TUT4: variants seen among roughly 807,000 people sequenced by gnomAD.
The protein encoded by TUT4 is terminal uridylyl transferase 4, also known as terminal uridylyltransferase 4.
A neutral mutation model predicts 192.2 loss-of-function variants in TUT4; 36 were observed. The ratio of observed to expected loss-of-function variants is 0.19; its 90% confidence interval spans 0.14 to 0.25. The LOEUF is 0.25. Ranked by LOEUF, TUT4 falls within the 10% of genes least tolerant of loss-of-function variation. The probability of loss-of-function intolerance (pLI) is 1.00; values close to 1 mark genes in which losing one functional copy is unlikely to be tolerated. For missense variants in TUT4, 1,493 were observed against 1,957.2 expected (o/e 0.76, Z 4.47); for synonymous variants, 618 against 666.0 (o/e 0.93, Z 1.11).
At chr1:52,438,625 G>T (rs1039140434) in intron 24 of TUT4, among the ~76,000 whole-genome samples, 1 of 152,134 alleles carries the variant, frequency 6.6e-6, no homozygotes, top group Non-Finnish European at 1.5e-5. Context: ...CTTTACAGAT[G>T]GGGAAACTGA....
At chr1:52,462,672 A>C in intron 16 of TUT4, 1 of 968,558 alleles carries the variant, frequency 1.0e-6, no homozygotes, top group South Asian at 4.8e-5. Flanking sequence ...ATAAGCCTTT[A>C]AATCTGTGAG....
chr1:52,445,961 T>C lies in TUT4; in HGVS notation c.3735A>G (p.Arg1245=). The C allele has an allele frequency of 6.2e-7, 1 of 1,607,272 alleles. No homozygotes were observed. Among genetic ancestry groups the C allele is most frequent in the South Asian group, 1.1e-5 (1 of 88,878 alleles). Residue 1245 remains arginine (R), a synonymous_variant, in exon 23 of 30, where the codon AGA becomes AGG. Transcript: ENST00000257177. ...LNHNLGAGVS[R]KMTNFIMKAF... ...ATCTCTATATTTAAAACTTACTTTT[T>C]CTGGAAACTCCAGCACCAAGGTTAT...
intron 2 of TUT4, among the ~76,000 whole-genome samples, chr1:52,522,503 A>G (rs1680547361): frequency 6.6e-6 from 1 of 152,248 alleles, no homozygotes; most frequent in African/African-American, 2.4e-5. Flanking sequence ...TTTTTCAGTG[A>G]TAAGCAGTTT....
chr1:52,545,861 C>A (rs1455659473), intron 1 of TUT4, among the ~76,000 whole-genome samples: 1 of 151,676 alleles, frequency 6.6e-6, no homozygotes, highest in Non-Finnish European at 1.5e-5. Context: ...ATGGCTCATG[C>A]CTGTAATCCC....
At chr1:52,428,876 T>G (rs1235649174) in intron 28 of TUT4, among the ~76,000 whole-genome samples, 1 of 152,038 alleles carries the variant, frequency 6.6e-6, no homozygotes, top group Non-Finnish European at 1.5e-5. Flanking sequence ...GATCTCATGT[T>G]TTTTTTAAGT....
rs548079594 is a variant in TUT4 at position 52,541,208 on chromosome 1, T to TA, written c.-94+11722dup. Reference sequence around the variant, plus strand: ...TGGGCCACAGAGCGAGACTCTGTCTTAAAAAAAAAAAAAAAAAAAGAAGAA... The same window carrying TA: ...TGGGCCACAGAGCGAGACTCTGTCTTAAAAAAAAAAAAAAAAAAAAGAAGAA... On this transcript the variant is annotated intron_variant, in intron 1 of 29. Coordinates refer to ENST00000257177, the MANE Select transcript of TUT4 (RefSeq NM_001009881.3). Among the ~76,000 whole-genome samples, 781 of 84,574 alleles carry TA rather than the reference T, an allele frequency of 9.2e-3. 6 individuals are homozygous for TA. The highest frequency in any genetic ancestry group is 0.023 in the African/African-American group (504 of 21,974). 55.5% of individuals were successfully genotyped at this position (84,574 alleles called of 152,430 possible).
chr1:52,498,782 G>C (rs1673157279), intron 4 of TUT4, among the ~76,000 whole-genome samples: 1 of 149,926 alleles, frequency 6.7e-6, no homozygotes, highest in Admixed American at 6.6e-5. Flanking sequence ...AGCCACTTGG[G>C]AGGCTGAGAC....
intron 9 of TUT4, among the ~76,000 whole-genome samples, chr1:52,483,476 A>C (rs1669010243): frequency 6.6e-6 from 1 of 152,110 alleles, no homozygotes; most frequent in Admixed American, 6.6e-5. Context: ...CCTCCATATC[A>C]ATGGGTTCTG....
At chr1:52,478,994 GAA>G (rs373251319) in intron 11 of TUT4, among the ~76,000 whole-genome samples, 2 of 150,592 alleles carry the variant, frequency 1.3e-5, no homozygotes, top group African/African-American at 2.4e-5. Flanking sequence ...AAGTACTACA[GAA>G]AAAAAAAGAG....
intron 9 of TUT4, 57 bp from the exon 10 acceptor site, chr1:52,481,980 A>C: frequency 7.2e-7 from 1 of 1,392,904 alleles, no homozygotes; most frequent in Middle Eastern, 2.2e-4. Context: ...TTTCATGATA[A>C]AAGTAGCTTG....
At position 52,475,165 on chromosome 1, in the gene TUT4, T is replaced by C; in HGVS notation, c.2394A>G (p.Ser798=). 1 of 1,614,184 alleles carries C rather than the reference T, an allele frequency of 6.2e-7. No individual in the cohort carries two copies. ...CACTGCTTTTGCTGGTAGAAAGAGA[T>C]GAAGAGTCCTGTCCGTGGTCAGCAA... ...LDFADHGQDS[S]SLSTSKSSEI... The change falls in exon 13 of 30, where the codon TCA becomes TCG. Residue 798 remains serine (S), a synonymous_variant. Transcript: ENST00000257177.
At chr1:52,438,679 T>C (rs925254787) in intron 24 of TUT4, among the ~76,000 whole-genome samples, 3 of 152,156 alleles carry the variant, frequency 2.0e-5, no homozygotes, top group African/African-American at 7.2e-5. Flanking sequence ...ACAGGTTAAG[T>C]CTCACATAAA....
intron 1 of TUT4, among the ~76,000 whole-genome samples, chr1:52,544,410 A>G (rs1687543491): frequency 6.6e-6 from 1 of 152,236 alleles, no homozygotes; most frequent in Non-Finnish European, 1.5e-5. Flanking sequence ...ATAATTTTTA[A>G]CAAGGATGAC....
chr1:52,549,338 T>C (rs1321729198), intron 1 of TUT4, among the ~76,000 whole-genome samples: 1 of 152,168 alleles, frequency 6.6e-6, no homozygotes, highest in African/African-American at 2.4e-5. Flanking sequence ...TATCAATTCC[T>C]ACCACACTGA....
intron 25 of TUT4, among the ~76,000 whole-genome samples, chr1:52,437,987 CA>C (rs949295648): frequency 2.7e-4 from 41 of 150,224 alleles, no homozygotes; most frequent in African/African-American, 8.8e-4. Context: ...AAAACAAAAA[CA>C]AAAAAAAACT....
intron 3 of TUT4, 97 bp downstream of exon 3, chr1:52,515,794 G>T: frequency 7.0e-7 from 1 of 1,422,002 alleles, no homozygotes; most frequent in Non-Finnish European, 9.8e-7. Flanking sequence ...TGCAACCTCT[G>T]TCTTATGAAT....
intron 20 of TUT4, among the ~76,000 whole-genome samples, chr1:52,451,182 C>T (rs1008234242): frequency 1.3e-5 from 2 of 151,432 alleles, no homozygotes; most frequent in Non-Finnish European, 2.9e-5. Context: ...AGGAGAATGG[C>T]GTGAACCTGG....
intron 13 of TUT4, 56 bp downstream of exon 13, chr1:52,474,776 A>G: frequency 7.2e-7 from 1 of 1,397,526 alleles, no homozygotes. Context: ...TAAAAAATAT[A>G]CATAGTCATA....
At chr1:52,489,762 T>A (rs1009856091) in intron 8 of TUT4, among the ~76,000 whole-genome samples, 1 of 152,214 alleles carries the variant, frequency 6.6e-6, no homozygotes, top group African/African-American at 2.4e-5. Context: ...CCCTCAATGA[T>A]GTGAATCTAG....
Sources: allele counts gnomAD v4.1 joint callset (sites outside exome capture counted in the v4.1 genomes callset), GRCh38; gene constraint gnomAD v4.1.1; transcripts MANE v1.5; gene names NCBI Gene and HGNC (gene_info 2026-07-23, HGNC 2026-07-21).